POT1: variants seen among roughly 807,000 people sequenced by gnomAD.
POT1 encodes the protein protection of telomeres protein 1.
In POT1, 47 loss-of-function variants were observed where a neutral mutation model predicts 78.5. That is an observed-to-expected ratio of 0.60 (90% confidence interval 0.47 to 0.76). The LOEUF (loss-of-function observed/expected upper bound fraction) is 0.76, where lower values mean the gene tolerates loss of function less well. Among genes scored for constraint, POT1 ranks in the 30% least tolerant of loss-of-function variants. The probability of loss-of-function intolerance (pLI) is 0.00; values close to 1 mark genes in which losing one functional copy is unlikely to be tolerated. For synonymous variants in POT1, 259 were observed against 260.7 expected, an observed-to-expected ratio of 0.99 and a Z score of 0.06; for missense variants, 646 against 749.9, an observed-to-expected ratio of 0.86 and a Z score of 1.62.
chr7:124,883,951 T>C (rs1796183487), intron 6 of POT1, among the ~76,000 whole-genome samples: 1 of 152,008 alleles, frequency 6.6e-6, no homozygotes, highest in African/African-American at 2.4e-5. Flanking sequence ...CAGTAATTAA[T>C]ACATTAATAT....
chr7:124,840,584 A>G (rs58722976), intron 14 of POT1: 2,080 of 153,332 alleles, frequency 0.014, 48 homozygotes, highest in African/African-American at 0.048. Flanking sequence ...ATTTTGATAC[A>G]ATAGATGACT....
intron 17 of POT1, among the ~76,000 whole-genome samples, chr7:124,825,783 G>A (rs180692215): frequency 2.0e-5 from 3 of 152,180 alleles, no homozygotes; most frequent in East Asian, 1.9e-4. Flanking sequence ...TTTGTTCACC[G>A]CTGTGTCTCC....
intron 15 of POT1, among the ~76,000 whole-genome samples, 185 bp downstream of exon 15, chr7:124,835,094 G>C (rs768414768): frequency 3.9e-5 from 6 of 152,252 alleles, no homozygotes; most frequent in African/African-American, 1.2e-4. Flanking sequence ...GGCCTGTCAG[G>C]GGGTGGGAGG....
chr7:124,909,406 A>G (rs571103604), intron 3 of POT1, among the ~76,000 whole-genome samples: 1 of 152,002 alleles, frequency 6.6e-6, no homozygotes, highest in Non-Finnish European at 1.5e-5. Flanking sequence ...AAACAAGCAA[A>G]TGGCAAAGAA....
intron 13 of POT1, among the ~76,000 whole-genome samples, chr7:124,841,746 G>A (rs533922857): frequency 4.5e-4 from 68 of 152,024 alleles, no homozygotes; most frequent in African/African-American, 1.5e-3. Context: ...ACTTTAGACA[G>A]TTTCCGTTAA....
rs587777473 is a variant in POT1, at chr7:124,825,358, C to T, written c.1687-1G>A. ...ATGCTGGAATCTGGAAGAATTTGTC[C>T]TTAAAAATGTTTCATGAGAGAAAAA... On this transcript the variant is annotated splice_acceptor_variant, in intron 17 of 18. Transcript: ENST00000357628. LOFTEE classifies it high-confidence loss of function. The T allele has an allele frequency of 1.9e-6, 3 of 1,586,528 alleles. No homozygotes were observed. The highest frequency in any genetic ancestry group is 2.6e-6 in the Non-Finnish European group (3 of 1,164,270).
chr7:124,837,546 T>C (rs1195634439), intron 14 of POT1, among the ~76,000 whole-genome samples: 1 of 152,074 alleles, frequency 6.6e-6, no homozygotes, highest in Non-Finnish European at 1.5e-5. Flanking sequence ...ATAATCTGAA[T>C]AGGTCTATGT....
intron 11 of POT1, among the ~76,000 whole-genome samples, chr7:124,851,120 T>C (rs908846849): frequency 1.6e-4 from 24 of 151,746 alleles, no homozygotes; most frequent in African/African-American, 5.8e-4. Context: ...TACCAAAAAA[T>C]AAAAAATTAA....
intron 9 of POT1, chr7:124,853,641 T>C (rs1379768879): frequency 1.3e-5 from 2 of 152,158 alleles, no homozygotes; most frequent in African/African-American, 4.8e-5. Flanking sequence ...AATAAACATC[T>C]TCCATCTTAC....
intron 1 of POT1, chr7:124,929,470 C>T (rs572219441): frequency 1.6e-4 from 24 of 152,274 alleles, no homozygotes; most frequent in African/African-American, 5.3e-4. Context: ...AGATTAACTT[C>T]TGCATCGTAG....
intron 3 of POT1, among the ~76,000 whole-genome samples, chr7:124,913,328 C>T (rs1015597748): frequency 6.6e-6 from 1 of 152,056 alleles, no homozygotes; most frequent in Admixed American, 6.6e-5. Flanking sequence ...AATTGCTTAT[C>T]TTTTTGTTGT....
intron 7 of POT1, among the ~76,000 whole-genome samples, chr7:124,867,178 C>G (rs1482470462): frequency 6.6e-6 from 1 of 152,164 alleles, no homozygotes; most frequent in Admixed American, 6.5e-5. Context: ...TAGTCTACTT[C>G]TATTTCCACC....
chr7:124,831,647 T>A (rs1794760710), intron 15 of POT1, among the ~76,000 whole-genome samples: 1 of 152,010 alleles, frequency 6.6e-6, no homozygotes, highest in Admixed American at 6.6e-5. Context: ...ATAACACATA[T>A]CCATTAATAG....
chr7:124,913,516 A>T (rs1796941310), intron 3 of POT1, among the ~76,000 whole-genome samples: 1 of 152,144 alleles, frequency 6.6e-6, no homozygotes, highest in Non-Finnish European at 1.5e-5. Flanking sequence ...TTCATTGCTC[A>T]TCCCTTTTGT....
intron 12 of POT1, among the ~76,000 whole-genome samples, chr7:124,846,162 G>GACACACACACACAC (rs60301966): frequency 0.026 from 3,810 of 148,772 alleles, 102 homozygotes; most frequent in African/African-American, 0.065. Flanking sequence ...CATTCATACT[G>GACACACACACACAC]ACACACACAC....
intron 6 of POT1, among the ~76,000 whole-genome samples, chr7:124,881,715 C>A (rs1584784943): frequency 1.3e-5 from 2 of 152,052 alleles, no homozygotes; most frequent in South Asian, 2.1e-4. Context: ...AATATTTTCC[C>A]CATGCCTTAT....
intron 6 of POT1, among the ~76,000 whole-genome samples, chr7:124,888,474 G>A (rs1366938864): frequency 6.6e-6 from 1 of 151,974 alleles, no homozygotes; most frequent in Non-Finnish European, 1.5e-5. Context: ...TGAATTTGAA[G>A]ATTGATTTTT....
At chr7:124,896,802 T>C (rs1796502296) in intron 5 of POT1, among the ~76,000 whole-genome samples, 2 of 151,734 alleles carry the variant, frequency 1.3e-5, no homozygotes, top group Admixed American at 6.6e-5. Context: ...CAGCACATAA[T>C]TGTCTGGTTA....
chr7:124,897,745 A>G (rs1796526871), intron 4 of POT1, among the ~76,000 whole-genome samples: 1 of 151,116 alleles, frequency 6.6e-6, no homozygotes, highest in South Asian at 2.1e-4. Flanking sequence ...TGCATACTAG[A>G]AAAAAAAAGG....
Sources: gnomAD v4.1 joint callset for allele counts (sites outside exome capture counted in the v4.1 genomes callset) on GRCh38, gnomAD v4.1.1 for gene constraint, MANE v1.5 for transcripts, NCBI Gene and HGNC (gene_info 2026-07-23, HGNC 2026-07-21) for gene names.